The following SLC25A28 variants were observed in gnomAD, a reference collection of about 807,000 sequenced individuals.
SLC25A28 encodes the protein solute carrier family 25 member 28.
SLC25A28 carries 10 observed loss-of-function variants against 31.9 expected under a neutral mutation model. The observed-to-expected ratio is 0.31, with a 90% confidence interval of 0.19 to 0.53. The LOEUF is 0.53. SLC25A28 is among the 20% of genes least tolerant of loss of function. The pLI, the probability that SLC25A28 is intolerant of heterozygous loss-of-function variation, is 0.95. For missense variants in SLC25A28, 256 were observed against 490.3 expected, an observed-to-expected ratio of 0.52 and a Z score of 4.51; for synonymous variants, 208 against 203.6, an observed-to-expected ratio of 1.02 and a Z score of -0.19.
rs1276224267 is a variant in SLC25A28 at position 99,615,723 on chromosome 10, CT to C, written c.292-1800del. 7 of 985,296 alleles carry C rather than the reference CT, an allele frequency of 7.1e-6. No homozygotes were observed. In the African/African-American group the frequency reaches 1.2e-4, roughly 17 times the overall value. The allele number at this position is 985,296 out of a possible 1,614,324, so 61.0% of individuals were successfully genotyped here. A position where few individuals can be genotyped will look rare whatever the true frequency, so the allele number is the denominator to read the frequency against. The stretch of plus-strand genomic sequence containing the variant: ...CCATCAGAAGAGTTGTTCATAGAGA[CT>C]ACGGGTCATATGCTGGCTAGAGCTA... On this transcript the variant is annotated intron_variant, in intron 1 of 3. Coordinates refer to ENST00000370495, the MANE Select transcript of SLC25A28 (RefSeq NM_031212.4).
At chr10:99,615,733 T>A (rs1258460016) in intron 1 of SLC25A28, 1 of 985,174 alleles carries the variant, frequency 1.0e-6, no homozygotes, top group Non-Finnish European at 1.2e-6. Context: ...CTACGGGTCA[T>A]ATGCTGGCTA....
chr10:99,621,042 G>A (rs2034782933), upstream of SLC25A28: 1 of 949,140 alleles, frequency 1.1e-6, no homozygotes, highest in Middle Eastern at 5.4e-4. Flanking sequence ...TCTCGTCGCG[G>A]GCGTGAGGCG....
At chr10:99,656,843 G>C in the SLC25A28 span, among the ~76,000 whole-genome samples, 2 of 152,194 alleles carry the variant, frequency 1.3e-5, no homozygotes, top group Non-Finnish European at 2.9e-5. Flanking sequence ...ATGAAATAGA[G>C]AAATACTCTC....
the SLC25A28 span, among the ~76,000 whole-genome samples, chr10:99,649,832 T>C: frequency 6.6e-6 from 1 of 152,220 alleles, no homozygotes; most frequent in Non-Finnish European, 1.5e-5. Flanking sequence ...CACTTGTTTA[T>C]TGGGATCCCT....
At chr10:99,612,679 G>T in intron 2 of SLC25A28, 80 bp from the exon 3 acceptor site, 1 of 1,513,266 alleles carries the variant, frequency 6.6e-7, no homozygotes, top group Non-Finnish European at 9.2e-7. Flanking sequence ...GAAGGGGAGT[G>T]GCTGTGCTAC....
At chr10:99,642,769 G>T in the SLC25A28 span, among the ~76,000 whole-genome samples, 3 of 152,120 alleles carry the variant, frequency 2.0e-5, no homozygotes, top group African/African-American at 7.2e-5. Flanking sequence ...AGAGTTTTTA[G>T]CATGAAGGGC....
chr10:99,637,122 A>G, the SLC25A28 span, among the ~76,000 whole-genome samples: 1 of 152,238 alleles, frequency 6.6e-6, no homozygotes, highest in Non-Finnish European at 1.5e-5. Flanking sequence ...CCAGGGATGC[A>G]GAGATGGTTT....
chr10:99,626,137 C>T, the SLC25A28 span, among the ~76,000 whole-genome samples: 3 of 152,172 alleles, frequency 2.0e-5, no homozygotes, highest in Non-Finnish European at 4.4e-5. Context: ...CTCTGAACTG[C>T]CATCATACCT....
the SLC25A28 span, among the ~76,000 whole-genome samples, chr10:99,630,805 A>T: frequency 6.6e-6 from 1 of 152,292 alleles, no homozygotes; most frequent in African/African-American, 2.4e-5. Flanking sequence ...TCATGAATGT[A>T]AAATTACAAC....
chr10:99,619,168 G>A, intron 1 of SLC25A28: 1 of 985,374 alleles, frequency 1.0e-6, no homozygotes, highest in Non-Finnish European at 1.2e-6. Flanking sequence ...CTGCTTGGTT[G>A]TGAATGCAAT....
At chr10:99,653,866 CCAGTGGCAT>C in the SLC25A28 span, 1 of 152,144 alleles carries the variant, frequency 6.6e-6, no homozygotes, top group Non-Finnish European at 1.5e-5. Flanking sequence ...CCTACCAGGC[CCAGTGGCAT>C]CAGGTCCAGT....
Position 99,613,723 on chromosome 10 carries a change from G to C in SLC25A28, c.493C>G (p.Pro165Ala). Reference protein sequence around the residue: ...LKKTLSDVIHPGGNSHIANGA... With the variant: ...LKKTLSDVIHAGGNSHIANGA... ...TTGGCAATATGGCTATTGCCCCCAG[G>C]GTGGATTACATCACTCAATGTCTTT... Residue 165 changes from proline (P) to alanine (A), a missense_variant, in exon 2 of 4, where the codon CCT (proline) becomes GCT (alanine). This residue lies in a region of SLC25A28 where 158 missense variants were observed against 379.1 expected (regional missense o/e 0.42). Transcript: ENST00000370495. This position sits in a 1 kb window ranked among gnomAD's most constrained non-coding sequence, Gnocchi z 4.9. 2 of 1,614,194 alleles carry C rather than the reference G, an allele frequency of 1.2e-6. No homozygotes were observed. The highest frequency in any genetic ancestry group is 3.3e-4 in the Middle Eastern group (2 of 6,062).
chr10:99,639,722 T>TACACACACACAC, the SLC25A28 span, among the ~76,000 whole-genome samples: 1,083 of 131,090 alleles, frequency 8.3e-3, 11 homozygotes, highest in Middle Eastern at 0.015. Context: ...GCACCATGGG[T>TACACACACACAC]ACACACACAC....
intron 1 of SLC25A28, among the ~76,000 whole-genome samples, chr10:99,614,252 T>G (rs2034597473): frequency 1.3e-5 from 2 of 152,212 alleles, no homozygotes; most frequent in African/African-American, 4.8e-5. Context: ...TGTGCCTTAA[T>G]ACACTCAAGC....
chr10:99,632,863 T>C, the SLC25A28 span, among the ~76,000 whole-genome samples: 4 of 152,226 alleles, frequency 2.6e-5, no homozygotes, highest in African/African-American at 4.8e-5. Flanking sequence ...AGTTGTTGCA[T>C]TGACTTTGTA....
At chr10:99,623,706 C>T (rs1414492292), upstream of SLC25A28, among the ~76,000 whole-genome samples, 3 of 152,108 alleles carry the variant, frequency 2.0e-5, no homozygotes, top group African/African-American at 7.2e-5. Context: ...CAGTGAAATA[C>T]GAGGGAAGCA....
At chr10:99,618,448 G>C in intron 1 of SLC25A28, 33 of 985,368 alleles carry the variant, frequency 3.3e-5, no homozygotes, top group Non-Finnish European at 4.0e-5. Context: ...CTAAGTCTAG[G>C]GAGGTTACTC....
Position 99,612,523 on chromosome 10 carries a change from A to G in SLC25A28, c.577+20T>C, listed in dbSNP as rs1361170064. On this transcript the variant is annotated intron_variant, in intron 3 of 3. Coordinates refer to ENST00000370495, the MANE Select transcript of SLC25A28 (RefSeq NM_031212.4). ...TACAGGTGCAGCTGCCCACAGAGTG[A>G]TAGGTTGAGGAATCATTACCTTCCG... 1 of 1,613,714 alleles carries G rather than the reference A, an allele frequency of 6.2e-7. No individual in the cohort carries two copies. The highest frequency in any genetic ancestry group is 2.2e-5 in the East Asian group (1 of 44,884).
chr10:99,654,896 G>A, the SLC25A28 span, among the ~76,000 whole-genome samples: 1 of 152,172 alleles, frequency 6.6e-6, no homozygotes, highest in Admixed American at 6.6e-5. Context: ...TGAAATACGG[G>A]TTTCTAGAAT....
Sources: allele counts gnomAD v4.1 joint callset (sites outside exome capture counted in the v4.1 genomes callset), GRCh38; gene constraint gnomAD v4.1.1; regional missense constraint gnomAD v4.1.1; non-coding constraint Gnocchi (gnomAD v3.1); transcripts MANE v1.5; gene names NCBI Gene and HGNC (gene_info 2026-07-23, HGNC 2026-07-21).